DPP10: variants seen among roughly 807,000 people sequenced by gnomAD.
DPP10 encodes the protein dipeptidyl peptidase like 10, also known as inactive dipeptidyl peptidase 10.
In DPP10, 33 loss-of-function variants were observed where a neutral mutation model predicts 120.9. The observed-to-expected ratio is 0.27, with a 90% CI of 0.21 to 0.37. The LOEUF (loss-of-function observed/expected upper bound fraction) is 0.37. Ranked by LOEUF, DPP10 falls within the 10% of genes least tolerant of loss-of-function variation. The pLI, the probability that DPP10 is intolerant of heterozygous loss-of-function variation, is 1.00. For synonymous variants in DPP10, 337 were observed against 326.1 expected, an observed-to-expected ratio of 1.03 and a Z score of -0.36; for missense variants, 816 against 942.8, an observed-to-expected ratio of 0.87 and a Z score of 1.76.
At chr2:114,842,764 TAAC>T (rs1305613344) in intron 1 of DPP10, among the ~76,000 whole-genome samples, 1 of 152,140 alleles carries the variant, frequency 6.6e-6, no homozygotes, top group Non-Finnish European at 1.5e-5. Flanking sequence ...GGAGACTGCT[TAAC>T]AAGTCCAGAA....
chr2:114,848,506 C>T (rs1015138129), intron 1 of DPP10, among the ~76,000 whole-genome samples: 1 of 152,052 alleles, frequency 6.6e-6, no homozygotes, highest in South Asian at 2.1e-4. Flanking sequence ...TCAGAAGATG[C>T]AAAAGATGAG....
chr2:114,564,239 G>A (rs1380627772), intron 1 of DPP10, among the ~76,000 whole-genome samples: 1 of 152,092 alleles, frequency 6.6e-6, no homozygotes, highest in Admixed American at 6.5e-5. Flanking sequence ...TTTTTGGTTT[G>A]AATTCTGTCA....
At chr2:114,933,401 C>T (rs528628327) in intron 1 of DPP10, among the ~76,000 whole-genome samples, 3 of 152,190 alleles carry the variant, frequency 2.0e-5, no homozygotes, top group Admixed American at 2.0e-4. Flanking sequence ...GAGCCATCAC[C>T]AGTTCATAAA....
chr2:114,850,933 T>C (rs1688901502), intron 1 of DPP10, among the ~76,000 whole-genome samples: 1 of 152,220 alleles, frequency 6.6e-6, no homozygotes, highest in African/African-American at 2.4e-5. Flanking sequence ...GGAAACCTTC[T>C]AGATGCTGTT....
intron 1 of DPP10, among the ~76,000 whole-genome samples, chr2:115,224,304 A>T (rs764591283): frequency 7.0e-4 from 107 of 152,092 alleles, no homozygotes; most frequent in Admixed American, 1.1e-3. Context: ...GGGAGGGGAG[A>T]AAAAAGGTCA....
intron 4 of DPP10, among the ~76,000 whole-genome samples, chr2:115,511,983 T>C (rs1248457668): frequency 6.6e-6 from 1 of 151,960 alleles, no homozygotes; most frequent in African/African-American, 2.4e-5. Flanking sequence ...CCTCCTGTCT[T>C]GGTCTGCCAA....
chr2:115,755,162 GT>G (rs1257248617), intron 11 of DPP10, among the ~76,000 whole-genome samples: 1 of 152,004 alleles, frequency 6.6e-6, no homozygotes, highest in African/African-American at 2.4e-5. Flanking sequence ...AGTTTCGCAT[GT>G]TTTTAAACTG....
intron 21 of DPP10, 84 bp from the exon 22 acceptor site, chr2:115,836,073 T>A: frequency 1.5e-6 from 1 of 676,066 alleles, no homozygotes; most frequent in Non-Finnish European, 2.1e-6. Flanking sequence ...CAGGCATAGT[T>A]GTTATATATA....
chr2:115,120,152 A>C (rs1272378139), intron 1 of DPP10, among the ~76,000 whole-genome samples: 2 of 152,234 alleles, frequency 1.3e-5, no homozygotes, highest in East Asian at 3.9e-4. Context: ...TATCCATGTC[A>C]TCAGTGTTGC....
intron 2 of DPP10, among the ~76,000 whole-genome samples, chr2:115,316,232 A>G (rs572548357): frequency 6.6e-6 from 1 of 152,282 alleles, no homozygotes; most frequent in East Asian, 1.9e-4. Context: ...TACAAGTTGA[A>G]GTAAATTGAC....
At chr2:115,503,979 A>C (rs1324516864) in intron 4 of DPP10, among the ~76,000 whole-genome samples, 1 of 152,122 alleles carries the variant, frequency 6.6e-6, no homozygotes, top group Non-Finnish European at 1.5e-5. Flanking sequence ...GATAATTAGA[A>C]GGTAATTTTC....
intron 1 of DPP10, among the ~76,000 whole-genome samples, chr2:114,510,909 A>T (rs1684090975): frequency 6.6e-6 from 1 of 152,230 alleles, no homozygotes. Context: ...TGTAGTTATT[A>T]ATTTAAATTG....
At chr2:115,828,273 TC>T (rs1319141565) in intron 21 of DPP10, among the ~76,000 whole-genome samples, 1 of 152,148 alleles carries the variant, frequency 6.6e-6, no homozygotes, top group African/African-American at 2.4e-5. Flanking sequence ...ATACAACGCA[TC>T]TTTTCTCTGT....
chr2:115,557,582 A>G (rs2080296154), intron 5 of DPP10, among the ~76,000 whole-genome samples: 1 of 152,142 alleles, frequency 6.6e-6, no homozygotes. Context: ...CCCTTTCTCA[A>G]GGTATAATTT....
chr2:115,690,390 T>C (rs550733757), intron 7 of DPP10, among the ~76,000 whole-genome samples: 6 of 152,340 alleles, frequency 3.9e-5, no homozygotes, highest in Admixed American at 3.3e-4. Context: ...ATTATTGATA[T>C]ATAAAGCAGT....
At chr2:115,179,237 A>G (rs1573910510) in intron 1 of DPP10, among the ~76,000 whole-genome samples, 1 of 152,222 alleles carries the variant, frequency 6.6e-6, no homozygotes, top group East Asian at 1.9e-4. Context: ...TAGAAATTTT[A>G]ATGTAGAATT....
At chr2:115,836,387 CCTT>C (rs1471545194) in intron 22 of DPP10, 117 bp from the exon 23 acceptor site, 20 of 1,412,660 alleles carry the variant, frequency 1.4e-5, no homozygotes, top group Admixed American at 2.0e-5. Context: ...TTTATCTCCT[CCTT>C]GATTCAGCTG....
chr2:115,451,396 C>A (rs1039175032), intron 3 of DPP10, among the ~76,000 whole-genome samples: 2 of 151,900 alleles, frequency 1.3e-5, no homozygotes, highest in East Asian at 3.9e-4. Flanking sequence ...GTTATTAAAT[C>A]AGCATCCTCA....
At chr2:115,225,945 T>A (rs1293909052) in intron 1 of DPP10, among the ~76,000 whole-genome samples, 2 of 152,274 alleles carry the variant, frequency 1.3e-5, no homozygotes, top group South Asian at 4.1e-4. Flanking sequence ...CCCACTCAGT[T>A]TGGCGCTACC....
Sources: allele counts gnomAD v4.1 joint callset (sites outside exome capture counted in the v4.1 genomes callset), GRCh38; gene constraint gnomAD v4.1.1; transcripts MANE v1.5; gene names NCBI Gene and HGNC (gene_info 2026-07-23, HGNC 2026-07-21).